HMCN1: variants seen among roughly 807,000 people sequenced by gnomAD.
HMCN1 encodes the protein hemicentin-1.
In HMCN1, 321 loss-of-function variants were observed where a neutral mutation model predicts 625.9. The observed-to-expected ratio is 0.51, with a 90% CI of 0.47 to 0.56. HMCN1 has a LOEUF of 0.56. HMCN1 is among the 20% of genes least tolerant of loss of function. The pLI is 0.00. For synonymous variants in HMCN1, 2,425 were observed against 2,417.6 expected (o/e 1.00, Z -0.09); for missense variants, 6,588 against 6,887.3 (o/e 0.96, Z 1.54).
intron 1 of HMCN1, among the ~76,000 whole-genome samples, chr1:185,788,425 TGTG>T (rs1261219569): frequency 3.3e-5 from 5 of 152,232 alleles, no homozygotes; most frequent in Non-Finnish European, 7.3e-5. Flanking sequence ...ATGTAAAACA[TGTG>T]GAACTTGAAA....
At chr1:185,832,646 A>C (rs1240567799) in intron 1 of HMCN1, among the ~76,000 whole-genome samples, 1 of 152,202 alleles carries the variant, frequency 6.6e-6, no homozygotes, top group Non-Finnish European at 1.5e-5. Flanking sequence ...GTAAATGTAC[A>C]TCATAAACCA....
intron 15 of HMCN1, among the ~76,000 whole-genome samples, chr1:185,971,557 T>A (rs1394356556): frequency 1.3e-5 from 2 of 152,248 alleles, no homozygotes; most frequent in Non-Finnish European, 2.9e-5. Flanking sequence ...TTTTCACTTG[T>A]ATATGATGAT....
chr1:185,880,306 G>C (rs1664221431), intron 4 of HMCN1, among the ~76,000 whole-genome samples: 1 of 152,158 alleles, frequency 6.6e-6, no homozygotes, highest in Non-Finnish European at 1.5e-5. Context: ...TAAAGCAAAA[G>C]TACAAAAAGG....
At chr1:186,023,629 A>T (rs1654865764) in intron 36 of HMCN1, among the ~76,000 whole-genome samples, 1 of 152,156 alleles carries the variant, frequency 6.6e-6, no homozygotes, top group African/African-American at 2.4e-5. Flanking sequence ...TTCACAGTAA[A>T]CTTGAAAGAC....
chr1:185,878,006 A>G (rs1664066337), intron 4 of HMCN1, among the ~76,000 whole-genome samples: 1 of 152,074 alleles, frequency 6.6e-6, no homozygotes, highest in African/African-American at 2.4e-5. Flanking sequence ...TTTCTGTTGA[A>G]TGGCTGTTGT....
intron 97 of HMCN1, among the ~76,000 whole-genome samples, chr1:186,158,378 G>T (rs56138834): frequency 0.33 from 50,605 of 151,564 alleles, 9,225 homozygotes; most frequent in African/African-American, 0.48. Context: ...TTTCTCCCAT[G>T]CTGTAGGTTG....
At chr1:186,006,675 A>G (rs1653654922) in intron 29 of HMCN1, among the ~76,000 whole-genome samples, 1 of 151,668 alleles carries the variant, frequency 6.6e-6, no homozygotes, top group South Asian at 2.1e-4. Flanking sequence ...TATTGTGAAT[A>G]CTCTTCTAGA....
intron 97 of HMCN1, among the ~76,000 whole-genome samples, chr1:186,158,580 A>C (rs1651201437): frequency 6.6e-6 from 1 of 152,070 alleles, no homozygotes; most frequent in African/African-American, 2.4e-5. Context: ...TCTAACGTTT[A>C]AGTCTTTAAT....
intron 22 of HMCN1, among the ~76,000 whole-genome samples, chr1:185,992,674 T>C (rs1263558381): frequency 2.0e-5 from 3 of 152,120 alleles, no homozygotes; most frequent in Admixed American, 2.0e-4. Flanking sequence ...GTATAAGAAA[T>C]CTTGGTACTA....
intron 41 of HMCN1, among the ~76,000 whole-genome samples, chr1:186,048,001 G>C (rs973078365): frequency 6.6e-6 from 1 of 152,004 alleles, no homozygotes; most frequent in African/African-American, 2.4e-5. Context: ...CATACTGCTT[G>C]TTATATCTTT....
At chr1:185,862,536 C>T (rs1425207809) in intron 2 of HMCN1, among the ~76,000 whole-genome samples, 1 of 152,034 alleles carries the variant, frequency 6.6e-6, no homozygotes, top group Non-Finnish European at 1.5e-5. Flanking sequence ...GTTTTAAATG[C>T]ACTAAATTGG....
At chr1:185,917,429 C>G (rs956947028) in intron 6 of HMCN1, among the ~76,000 whole-genome samples, 10 of 152,132 alleles carry the variant, frequency 6.6e-5, no homozygotes, top group African/African-American at 2.4e-4. Context: ...AGGTAAATAT[C>G]ATTTTTTTGA....
chr1:186,162,947 C>T (rs1651609825), intron 97 of HMCN1, among the ~76,000 whole-genome samples: 1 of 152,322 alleles, frequency 6.6e-6, no homozygotes, highest in South Asian at 2.1e-4. Flanking sequence ...AGCTGTCAGA[C>T]AGGGACATTT....
chr1:185,867,429 A>T (rs1156874361), intron 4 of HMCN1, among the ~76,000 whole-genome samples: 1 of 152,152 alleles, frequency 6.6e-6, no homozygotes, highest in East Asian at 1.9e-4. Context: ...AGAAGGAAAA[A>T]CTGCTCATAG....
chr1:185,811,782 G>T (rs975452178), intron 1 of HMCN1, among the ~76,000 whole-genome samples: 1 of 150,210 alleles, frequency 6.7e-6, no homozygotes, highest in Non-Finnish European at 1.5e-5. Flanking sequence ...TCATTGGATT[G>T]TTTTAGCAAA....
chr1:185,997,472 T>A lies in HMCN1; in HGVS notation c.3822T>A (p.Thr1274=). Residue 1274 remains threonine, a synonymous_variant, in exon 25 of 107, where the codon ACT becomes ACA. Coordinates refer to ENST00000271588, the MANE Select transcript of HMCN1 (RefSeq NM_031935.3). ...ATCTAGAACCTCCATATAACACTAC[T>A]TTCCAAGAAAGAGTGGCCAATCAAC... is the stretch of plus-strand genomic sequence containing the variant. The part of the protein sequence containing the change: ...VEDLEPPYNT[T]FQERVANQRI... 1.2e-6 allele frequency: 2 copies of A among 1,612,986 alleles called. No homozygotes were observed. The highest frequency in any genetic ancestry group is 1.7e-6 in the Non-Finnish European group (2 of 1,179,358).
intron 10 of HMCN1, 76 bp from the exon 11 acceptor site, chr1:185,933,473 C>A: frequency 7.0e-7 from 1 of 1,419,376 alleles, no homozygotes. Flanking sequence ...CATACTTATT[C>A]AGTTTTTAAA....
intron 36 of HMCN1, 66 bp from the exon 37 acceptor site, chr1:186,037,868 G>T: frequency 1.0e-6 from 1 of 962,544 alleles, no homozygotes; most frequent in South Asian, 1.3e-5. Context: ...AATTTTAATT[G>T]AGCAAACAAT....
Position 186,048,846 on chromosome 1 carries a change from G to T in HMCN1, c.6577+7G>T. ...TACAATGTCAACATTTGGGGTAAGT[G>T]TAATCAGCTCTTGAAAGCAAATAAT... On this transcript the variant is annotated splice_region_variant and intron_variant, in intron 42 of 106. Coordinates refer to ENST00000271588, the MANE Select transcript of HMCN1 (RefSeq NM_031935.3). 1 of 1,557,954 alleles carries T rather than the reference G, an allele frequency of 6.4e-7. No individual in the cohort carries two copies. The highest frequency in any genetic ancestry group is 8.8e-7 in the Non-Finnish European group (1 of 1,130,666).
Sources: gnomAD v4.1 joint callset for allele counts (sites outside exome capture counted in the v4.1 genomes callset) on GRCh38, gnomAD v4.1.1 for gene constraint, MANE v1.5 for transcripts, NCBI Gene and HGNC (gene_info 2026-07-23, HGNC 2026-07-21) for gene names.